The following CLINT1 variants were observed in gnomAD, a reference collection of about 807,000 sequenced individuals.
CLINT1 encodes clathrin interactor 1.
In CLINT1, 15 loss-of-function variants were observed where a neutral mutation model predicts 70.4. The observed-to-expected ratio is 0.21, with a 90% CI of 0.14 to 0.33. The LOEUF is 0.33. Ranked by LOEUF, CLINT1 falls within the 10% of genes least tolerant of loss-of-function variation. CLINT1 has a pLI of 1.00. For synonymous variants in CLINT1, 227 were observed against 254.7 expected, an observed-to-expected ratio of 0.89 and a Z score of 1.04; for missense variants, 615 against 778.1, an observed-to-expected ratio of 0.79 and a Z score of 2.49.
chr5:157,838,186 G>A (rs1449119310), intron 1 of CLINT1, among the ~76,000 whole-genome samples: 3 of 147,104 alleles, frequency 2.0e-5, no homozygotes, highest in Admixed American at 6.9e-5. Flanking sequence ...GCAGTGGCAC[G>A]ATCTCGGCTC....
intron 11 of CLINT1, among the ~76,000 whole-genome samples, chr5:157,788,968 G>GAAAAAA (rs58634730): frequency 2.1e-4 from 20 of 95,594 alleles, no homozygotes; most frequent in Non-Finnish European, 3.3e-4. Context: ...CTCCATCTCA[G>GAAAAAA]AAAAAAAAAA....
intron 1 of CLINT1, among the ~76,000 whole-genome samples, chr5:157,830,935 G>A (rs1201086843): frequency 2.0e-5 from 3 of 151,578 alleles, no homozygotes; most frequent in Non-Finnish European, 4.4e-5. Context: ...TGAGGGTGGA[G>A]GGTGGGGCTG....
Position 157,794,922 on chromosome 5 carries a change from C to T in CLINT1, c.1063G>A (p.Ala355Thr), listed in dbSNP as rs991158119. Reference protein sequence around the residue: ...GGFADFGSAAASGSFPSQVTA... With the variant: ...GGFADFGSAATSGSFPSQVTA... ...CCTTGGGAAGGGAAACTGCCTGATG[C>T]AGCAGCTGAGCCAAAGTCAGCAAAT... Residue 355 changes from alanine to threonine, a missense_variant, in exon 9 of 12, where the codon GCA (alanine) becomes ACA (threonine). Coordinates refer to ENST00000411809, the MANE Select transcript of CLINT1 (RefSeq NM_014666.4). 4 of 1,558,632 alleles carry T rather than the reference C, an allele frequency of 2.6e-6. No homozygotes were observed. The African/African-American group carries it at 4.1e-5, about 16-fold the overall frequency.
intron 7 of CLINT1, among the ~76,000 whole-genome samples, chr5:157,805,360 TAAAAAC>T (rs1490087371): frequency 2.0e-5 from 3 of 152,132 alleles, no homozygotes; most frequent in Non-Finnish European, 2.9e-5. Context: ...CTATGGTAAA[TAAAAAC>T]AAACGAAGAT....
At chr5:157,808,423 C>A (rs1581493778) in intron 6 of CLINT1, among the ~76,000 whole-genome samples, 1 of 152,024 alleles carries the variant, frequency 6.6e-6, no homozygotes, top group East Asian at 1.9e-4. Flanking sequence ...AGGCTTGGTT[C>A]CATCACTAAC....
chr5:157,837,709 T>C (rs1200648767), intron 1 of CLINT1, among the ~76,000 whole-genome samples: 1 of 149,358 alleles, frequency 6.7e-6, no homozygotes, highest in Non-Finnish European at 1.5e-5. Flanking sequence ...AGTGGCGTGA[T>C]CTTGGCTCAC....
intron 1 of CLINT1, among the ~76,000 whole-genome samples, chr5:157,835,751 G>A (rs922572168): frequency 2.6e-5 from 4 of 152,036 alleles, no homozygotes; most frequent in Non-Finnish European, 5.9e-5. Context: ...TCTTTTGGGG[G>A]CATGACTAGA....
intron 1 of CLINT1, among the ~76,000 whole-genome samples, chr5:157,817,990 A>G (rs1762771926): frequency 6.6e-6 from 1 of 152,212 alleles, no homozygotes; most frequent in African/African-American, 2.4e-5. Flanking sequence ...AACAGTATCT[A>G]TATCACATTT....
At chr5:157,857,107 C>T (rs1029439105) in intron 1 of CLINT1, among the ~76,000 whole-genome samples, 2 of 151,692 alleles carry the variant, frequency 1.3e-5, no homozygotes, top group Admixed American at 1.3e-4. Context: ...CAGTGCCAGG[C>T]ACGGTGATGC....
In CLINT1 at chr5:157,839,611, A is replaced by AT. The variant is rs1479526485; in HGVS notation, c.41+19318_41+19319insA. 2.7e-5 allele frequency among the ~76,000 whole-genome samples: 4 copies of AT among 145,566 alleles called. No individual in the cohort carries two copies. In the South Asian group the frequency reaches 8.7e-4, roughly 32 times the overall value. On this transcript the variant is annotated intron_variant, in intron 1 of 11. Transcript: ENST00000411809. ...GCGAGACTCAGTCTTAAATAAAATA[A>AT]AAAAAAAAAACAAACAAAAAAAAAC...
intron 8 of CLINT1, chr5:157,795,248 T>C (rs1231600811): frequency 5.6e-6 from 2 of 357,286 alleles, no homozygotes; most frequent in African/African-American, 4.2e-5. Context: ...AAGCATAATG[T>C]GGAAATAATA....
chr5:157,858,796 G>T, intron 1 of CLINT1, 134 bp downstream of exon 1: 1 of 940,786 alleles, frequency 1.1e-6, no homozygotes. Flanking sequence ...CCGGGAAGGA[G>T]CGGGCCGCCG....
At chr5:157,835,327 A>G (rs1191863595) in intron 1 of CLINT1, among the ~76,000 whole-genome samples, 1 of 152,132 alleles carries the variant, frequency 6.6e-6, no homozygotes, top group African/African-American at 2.4e-5. Flanking sequence ...TAAATCAGCA[A>G]TTTTTTTATA....
chr5:157,813,697 A>G (rs1210845848), intron 4 of CLINT1, among the ~76,000 whole-genome samples: 1 of 152,240 alleles, frequency 6.6e-6, no homozygotes, highest in Non-Finnish European at 1.5e-5. Flanking sequence ...ATAGCTCAAA[A>G]ACTGAATTTT....
At chr5:157,846,041 T>C (rs1232112080) in intron 1 of CLINT1, among the ~76,000 whole-genome samples, 2 of 152,168 alleles carry the variant, frequency 1.3e-5, no homozygotes, top group Non-Finnish European at 1.5e-5. Context: ...CCGCTCTCCC[T>C]CTCCTCTGGC....
rs1262043633 is a variant in CLINT1 at position 157,787,761 on chromosome 5, G to A, written c.1763C>T (p.Ala588Val). ...GMNMNIGMSAAGMGLTGTMGM... is the reference protein window; with the variant it reads ...GMNMNIGMSAVGMGLTGTMGM... ...CATTGTGCCTGTCAAGCCCATCCCA[G>A]CAGCGGACATCCCTATGTTCATGTT... The change falls in exon 12 of 12, where the codon GCT becomes GTT. Residue 588 changes from alanine to valine, a missense_variant. This residue lies in a region of CLINT1 where 374 missense variants were observed against 409.6 expected (regional missense o/e 0.91). Coordinates refer to ENST00000411809, the MANE Select transcript of CLINT1 (RefSeq NM_014666.4). The A allele has an allele frequency of 6.2e-7, 1 of 1,614,006 alleles. No individual in the cohort carries two copies. Among genetic ancestry groups the A allele is most frequent in the Admixed American group, 1.7e-5 (1 of 60,018 alleles).
At chr5:157,855,530 G>A (rs1322563547) in intron 1 of CLINT1, among the ~76,000 whole-genome samples, 1 of 152,086 alleles carries the variant, frequency 6.6e-6, no homozygotes, top group African/African-American at 2.4e-5. Flanking sequence ...AGCTCTGGCA[G>A]GCCTATGGCT....
chr5:157,805,789 CCTA>C lies in CLINT1; in HGVS notation c.942+74_942+76del, dbSNP rs891247034. Reference sequence around the variant, plus strand: ...ATATGATTGCCTAGAAATGCCCAAGCCTACTAATGCAGGAATTCGAAGAGCGGT... The same window carrying C: ...ATATGATTGCCTAGAAATGCCCAAGCCTAATGCAGGAATTCGAAGAGCGGT... On this transcript the variant is annotated intron_variant, in intron 7 of 11. Coordinates refer to ENST00000411809, the MANE Select transcript of CLINT1 (RefSeq NM_014666.4). 158 of 1,550,150 alleles carry C rather than the reference CCTA, an allele frequency of 1.0e-4. No homozygotes were observed. The African/African-American group carries it at 1.8e-3, about 17-fold the overall frequency.
At chr5:157,821,187 AG>A (rs34636593) in intron 1 of CLINT1, among the ~76,000 whole-genome samples, 20,593 of 152,082 alleles carry the variant, frequency 0.14, 1,843 homozygotes, top group African/African-American at 0.25. Context: ...TAACACTTAA[AG>A]GTAACCAAGA....
Sources: gnomAD v4.1 joint callset for allele counts (sites outside exome capture counted in the v4.1 genomes callset) on GRCh38, gnomAD v4.1.1 for gene constraint, gnomAD v4.1.1 regional missense constraint, MANE v1.5 for transcripts, NCBI Gene and HGNC (gene_info 2026-07-23, HGNC 2026-07-21) for gene names.